The following AUTS2 variants were observed in gnomAD, a reference collection of about 807,000 sequenced individuals.
AUTS2 encodes autism susceptibility gene 2 protein.
A neutral mutation model predicts 112.4 loss-of-function variants in AUTS2; 17 were observed. The ratio of observed to expected loss-of-function variants is 0.15; its 90% CI spans 0.10 to 0.23. The LOEUF is 0.23. Among genes scored for constraint, AUTS2 ranks in the 10% least tolerant of loss-of-function variants. AUTS2 has a pLI of 1.00. For missense variants in AUTS2, 1,510 were observed against 1,701.6 expected (o/e 0.89, Z 1.98); for synonymous variants, 751 against 702.7 (o/e 1.07, Z -1.09).
intron 1 of AUTS2, among the ~76,000 whole-genome samples, chr7:69,858,890 A>G (rs993283194): frequency 2.6e-5 from 4 of 152,176 alleles, no homozygotes; most frequent in African/African-American, 7.2e-5. Context: ...TTGCCCTGAC[A>G]TTGCCTTGTG....
intron 17 of AUTS2, among the ~76,000 whole-genome samples, chr7:70,786,463 G>T (rs188145864): frequency 0.012 from 1,684 of 143,758 alleles, 32 homozygotes; most frequent in African/African-American, 0.047. Context: ...ACACCACCAG[G>T]CTGCGACACC....
intron 5 of AUTS2, among the ~76,000 whole-genome samples, chr7:70,527,754 G>T (rs1017553570): frequency 6.6e-6 from 1 of 152,096 alleles, no homozygotes; most frequent in Non-Finnish European, 1.5e-5. Flanking sequence ...TGAATTCACT[G>T]GGGGGGAAGT....
chr7:70,514,899 G>A (rs73177707), intron 5 of AUTS2, among the ~76,000 whole-genome samples: 423 of 152,254 alleles, frequency 2.8e-3, no homozygotes, highest in Non-Finnish European at 4.5e-3. Flanking sequence ...AATTACTAGT[G>A]AAATTGAGCA....
chr7:69,906,557 G>A (rs1207156085), intron 2 of AUTS2, among the ~76,000 whole-genome samples: 1 of 152,192 alleles, frequency 6.6e-6, no homozygotes, highest in Non-Finnish European at 1.5e-5. Context: ...GGTGACATCT[G>A]AATGCTCTTT....
At chr7:70,387,345 T>A (rs1359298649) in intron 4 of AUTS2, among the ~76,000 whole-genome samples, 2 of 152,206 alleles carry the variant, frequency 1.3e-5, no homozygotes, top group African/African-American at 4.8e-5. Context: ...TGGAGCTCAG[T>A]TGACTATTCC....
intron 2 of AUTS2, among the ~76,000 whole-genome samples, chr7:69,994,240 A>G (rs1798854299): frequency 6.6e-6 from 1 of 152,200 alleles, no homozygotes; most frequent in Non-Finnish European, 1.5e-5. Flanking sequence ...CCATCAGCTC[A>G]GTGTATTAAA....
Position 69,688,282 on chromosome 7 carries a change from TG to T in AUTS2, c.309+88324del, listed in dbSNP as rs570861564. Among the ~76,000 whole-genome samples, 219 of 152,304 alleles carry T rather than the reference TG, an allele frequency of 1.4e-3. 1 individual carries two copies. Among genetic ancestry groups the T allele is most frequent in the Middle Eastern group, 3.4e-3 (1 of 294 alleles). On this transcript the variant is annotated intron_variant, in intron 1 of 18. Transcript: ENST00000342771. ...AGCATGCTGAATAATTATCAGTGTG[TG>T]GGGCCTCAGCCCTGGAGGCCTGTGT... is the stretch of plus-strand genomic sequence containing the variant.
intron 1 of AUTS2, among the ~76,000 whole-genome samples, chr7:69,623,187 C>T (rs1381189759): frequency 6.6e-6 from 1 of 152,074 alleles, no homozygotes; most frequent in Admixed American, 6.6e-5. Flanking sequence ...TTAATCCCTG[C>T]TCTGTGGCTC....
intron 5 of AUTS2, among the ~76,000 whole-genome samples, chr7:70,440,995 C>G (rs1000763504): frequency 6.6e-6 from 1 of 152,108 alleles, no homozygotes; most frequent in African/African-American, 2.4e-5. Flanking sequence ...TGATTTTTCC[C>G]CGTGTTTAAT....
intron 5 of AUTS2, among the ~76,000 whole-genome samples, chr7:70,609,157 C>A (rs1803936962): frequency 6.6e-6 from 1 of 152,096 alleles, no homozygotes; most frequent in Non-Finnish European, 1.5e-5. Context: ...TACAATAGAT[C>A]TTCTAAACAC....
chr7:69,866,590 A>G (rs1450396310), intron 1 of AUTS2, among the ~76,000 whole-genome samples: 2 of 152,156 alleles, frequency 1.3e-5, no homozygotes, highest in Non-Finnish European at 2.9e-5. Flanking sequence ...TTAATTTTAA[A>G]TGCAATATAC....
intron 4 of AUTS2, among the ~76,000 whole-genome samples, chr7:70,216,799 T>C (rs915723436): frequency 6.6e-6 from 1 of 152,240 alleles, no homozygotes; most frequent in Non-Finnish European, 1.5e-5. Flanking sequence ...ATGATCTTAC[T>C]TTCCCAGTCT....
intron 1 of AUTS2, among the ~76,000 whole-genome samples, chr7:69,831,894 C>T (rs933406204): frequency 6.6e-6 from 1 of 152,058 alleles, no homozygotes; most frequent in Non-Finnish European, 1.5e-5. Flanking sequence ...TGGCTTTGGC[C>T]CTTGGCATGA....
intron 1 of AUTS2, among the ~76,000 whole-genome samples, chr7:69,672,694 T>G (rs1349891783): frequency 6.6e-6 from 1 of 152,210 alleles, no homozygotes; most frequent in African/African-American, 2.4e-5. Context: ...CCTGAAAGGT[T>G]TCCAGTGATA....
At chr7:69,843,405 G>T (rs1487313689) in intron 1 of AUTS2, among the ~76,000 whole-genome samples, 1 of 152,026 alleles carries the variant, frequency 6.6e-6, no homozygotes, top group Non-Finnish European at 1.5e-5. Flanking sequence ...TCAACAACAG[G>T]TATATATAAG....
chr7:69,839,764 A>G (rs760343224), intron 1 of AUTS2, among the ~76,000 whole-genome samples: 2 of 152,122 alleles, frequency 1.3e-5, no homozygotes, highest in African/African-American at 2.4e-5. Context: ...TCACTGCCTC[A>G]CGAATGGTCT....
At chr7:69,752,859 G>A (rs1194309419) in intron 1 of AUTS2, among the ~76,000 whole-genome samples, 6 of 152,120 alleles carry the variant, frequency 3.9e-5, no homozygotes, top group African/African-American at 1.4e-4. Flanking sequence ...AATGAAGCTG[G>A]GTGTTTTGGA....
At chr7:69,806,094 C>G (rs1468382336) in intron 1 of AUTS2, among the ~76,000 whole-genome samples, 2 of 149,818 alleles carry the variant, frequency 1.3e-5, no homozygotes, top group Admixed American at 1.3e-4. Flanking sequence ...GAGACACACA[C>G]GGTCTTGGTC....
chr7:70,289,147 C>T (rs1788596999), intron 4 of AUTS2, among the ~76,000 whole-genome samples: 1 of 152,196 alleles, frequency 6.6e-6, no homozygotes, highest in African/African-American at 2.4e-5. Context: ...TTCCAAACAT[C>T]TTCCTACAAA....
Sources: allele counts gnomAD v4.1 joint callset (sites outside exome capture counted in the v4.1 genomes callset), GRCh38; gene constraint gnomAD v4.1.1; transcripts MANE v1.5; gene names NCBI Gene and HGNC (gene_info 2026-07-23, HGNC 2026-07-21).